The following PRRG4 variants were observed in gnomAD, a reference collection of about 807,000 sequenced individuals.
The protein encoded by PRRG4 is transmembrane gamma-carboxyglutamic acid protein 4.
Under a neutral mutation model 20.0 loss-of-function variants are expected in PRRG4, and 12 were observed. That is an observed-to-expected ratio of 0.60 (90% confidence interval 0.38 to 0.97). PRRG4 has a LOEUF of 0.97. Ranked by LOEUF, PRRG4 falls within the 50% of genes least tolerant of loss-of-function variation. PRRG4 has a pLI of 0.00. For synonymous variants in PRRG4, 94 were observed against 96.4 expected, an observed-to-expected ratio of 0.98 and a Z score of 0.15; for missense variants, 199 against 265.1, an observed-to-expected ratio of 0.75 and a Z score of 1.73.
intron 3 of PRRG4, among the ~76,000 whole-genome samples, chr11:32,838,066 T>G (rs1048313925): frequency 6.6e-6 from 1 of 152,166 alleles, no homozygotes; most frequent in African/African-American, 2.4e-5. Flanking sequence ...TTTTATAATT[T>G]TATCATAGTT....
Position 32,830,189 on chromosome 11 carries a change from G to T in PRRG4, c.-23+16G>T. 1.9e-6 allele frequency: 2 copies of T among 1,056,342 alleles called. No homozygotes were observed. The highest frequency in any genetic ancestry group is 8.9e-5 in the South Asian group (2 of 22,446). 65.4% of individuals were successfully genotyped at this position (1,056,342 alleles called of 1,614,324 possible). On this transcript the variant is annotated intron_variant, in intron 1 of 5. Transcript: ENST00000257836. ...GGGGACACAGGTACGAGGCCTGGCG[G>T]CAGGACCTCGGCGGGGAGGGGGTTA...
intron 5 of PRRG4, among the ~76,000 whole-genome samples, chr11:32,850,575 A>G (rs1240920432): frequency 6.6e-6 from 1 of 152,196 alleles, no homozygotes; most frequent in Non-Finnish European, 1.5e-5. Flanking sequence ...TTGGTTTACT[A>G]GACATTCTCT....
At chr11:32,838,278 G>GA (rs1851042710) in intron 3 of PRRG4, among the ~76,000 whole-genome samples, 1 of 151,992 alleles carries the variant, frequency 6.6e-6, no homozygotes, top group Non-Finnish European at 1.5e-5. Flanking sequence ...GCTTCACGAT[G>GA]AAACTCCATC....
intron 4 of PRRG4, 64 bp downstream of exon 4, chr11:32,838,994 G>A: frequency 8.0e-7 from 1 of 1,255,516 alleles, no homozygotes; most frequent in Non-Finnish European, 1.2e-6. Flanking sequence ...ATACATTTTA[G>A]TTTTATTGTT....
chr11:32,844,756 C>T (rs1347776606), intron 5 of PRRG4, among the ~76,000 whole-genome samples: 1 of 152,062 alleles, frequency 6.6e-6, no homozygotes, highest in African/African-American at 2.4e-5. Flanking sequence ...GTGCCTTGGC[C>T]TCCCAAAGTG....
Position 32,853,703 on chromosome 11 carries a change from C to A in PRRG4, c.*176C>A. 1 of 546,212 alleles carries A rather than the reference C, an allele frequency of 1.8e-6. No individual in the cohort carries two copies. Among genetic ancestry groups the A allele is most frequent in the Non-Finnish European group, 3.3e-6 (1 of 304,778 alleles). The allele number at this position is 546,212 out of a possible 1,614,324, so 33.8% of individuals were successfully genotyped here. ...ATTACCTAGGCGTCATGGGGCATGC[C>A]TGTAGTCCCACCTACTTGGGAGGCT... On this transcript the variant is annotated 3_prime_UTR_variant, in exon 6 of 6. Transcript: ENST00000257836.
Position 32,837,225 on chromosome 11 carries a change from C to T in PRRG4, c.267+404C>T, listed in dbSNP as rs1371122070. Among the ~76,000 whole-genome samples the T allele has an allele frequency of 2.6e-5, 4 of 152,192 alleles. No homozygotes were observed. In the East Asian group the frequency reaches 7.7e-4, roughly 29 times the overall value. The stretch of plus-strand genomic sequence containing the variant: ...ATCATTTATGACTGAGTAATTTGTC[C>T]TATCGGTGACCTTACCTTTTTTGAT... On this transcript the variant is annotated intron_variant, in intron 3 of 5. Coordinates refer to ENST00000257836, the MANE Select transcript of PRRG4 (RefSeq NM_024081.6).
At chr11:32,841,130 CTA>C (rs1851073515) in intron 5 of PRRG4, among the ~76,000 whole-genome samples, 1 of 151,010 alleles carries the variant, frequency 6.6e-6, no homozygotes, top group East Asian at 1.9e-4. Context: ...TTATTTATCA[CTA>C]TTCACACTTT....
chr11:32,836,859 A>G, intron 3 of PRRG4, 38 bp downstream of exon 3: 1 of 1,562,116 alleles, frequency 6.4e-7, no homozygotes. Flanking sequence ...TGGAAATGTT[A>G]AATTGTACTT....
chr11:32,848,182 T>A (rs1425153288), intron 5 of PRRG4, among the ~76,000 whole-genome samples: 2 of 152,122 alleles, frequency 1.3e-5, no homozygotes, highest in East Asian at 3.8e-4. Flanking sequence ...GAACACTGCA[T>A]CCTCTAGAGG....
In PRRG4 at chr11:32,840,369, G is replaced by T; in HGVS notation, c.449+130G>T. 3 of 679,438 alleles carry T rather than the reference G, an allele frequency of 4.4e-6. No individual in the cohort carries two copies. The highest frequency in any genetic ancestry group is 2.6e-5 in the Admixed American group (1 of 37,948). 42.1% of individuals were successfully genotyped at this position (679,438 alleles called of 1,614,324 possible). On this transcript the variant is annotated intron_variant, in intron 5 of 5. Coordinates refer to ENST00000257836, the MANE Select transcript of PRRG4 (RefSeq NM_024081.6). This position sits in a 1 kb window ranked among gnomAD's most constrained non-coding sequence, Gnocchi z 4.1. ...ATTTTGGAAGAATTTTAGATGTATA[G>T]GGAAGTTGCAAAGGTTAATACAGAG...
chr11:32,839,987 A>C, intron 4 of PRRG4, 120 bp from the exon 5 acceptor site: 1 of 586,672 alleles, frequency 1.7e-6, no homozygotes, highest in Non-Finnish European at 2.7e-6. Flanking sequence ...GACTTGAAAG[A>C]AGTCAACATC....
intron 5 of PRRG4, among the ~76,000 whole-genome samples, chr11:32,850,077 A>T (rs1851168094): frequency 6.6e-6 from 1 of 152,214 alleles, no homozygotes; most frequent in African/African-American, 2.4e-5. Context: ...AATAGGCAAA[A>T]TTTGTCTTTA....
chr11:32,835,563 C>T (rs1222331607), intron 2 of PRRG4, among the ~76,000 whole-genome samples: 1 of 152,098 alleles, frequency 6.6e-6, no homozygotes, highest in Non-Finnish European at 1.5e-5. Flanking sequence ...GGTTTTGTGT[C>T]AGCCTGTTCT....
At chr11:32,846,553 T>C (rs116910101) in intron 5 of PRRG4, among the ~76,000 whole-genome samples, 25 of 152,268 alleles carry the variant, frequency 1.6e-4, no homozygotes, top group Admixed American at 4.6e-4. Flanking sequence ...GCTCTTATAG[T>C]CTGGTTTTCT....
intron 5 of PRRG4, among the ~76,000 whole-genome samples, chr11:32,846,766 G>A (rs1019602586): frequency 5.9e-5 from 9 of 152,114 alleles, no homozygotes; most frequent in African/African-American, 1.7e-4. Flanking sequence ...TTAGGAGGCC[G>A]AGGCAGGCGG....
At position 32,855,758 on chromosome 11, in the gene PRRG4, C is replaced by T. The variant is rs1851223582; in HGVS notation, c.*2231C>T. ...CGTTGCATATAAAAATCTTGCTATTCCTTGTGTCTTGGCTTTACATAAGCA... is the reference window on the plus strand; with the variant it reads ...CGTTGCATATAAAAATCTTGCTATTTCTTGTGTCTTGGCTTTACATAAGCA... On this transcript the variant is annotated 3_prime_UTR_variant, in exon 6 of 6. Coordinates refer to ENST00000257836, the MANE Select transcript of PRRG4 (RefSeq NM_024081.6). 1 of 152,186 alleles carries T rather than the reference C, an allele frequency of 6.6e-6. No homozygotes were observed. The allele number at this position is 152,186 out of a possible 1,614,324, so 9.4% of individuals were successfully genotyped here.
chr11:32,836,683 C>T lies in PRRG4; in HGVS notation c.129C>T (p.Asn43=), dbSNP rs1851022361. 6.3e-7 allele frequency: 1 copy of T among 1,595,952 alleles called. No homozygotes were observed. Among genetic ancestry groups the T allele is most frequent in the African/African-American group, 1.3e-5 (1 of 74,294 alleles). Residue 43 remains asparagine (N), a synonymous_variant, in exon 3 of 6, where the codon AAC becomes AAT. Coordinates refer to ENST00000257836, the MANE Select transcript of PRRG4 (RefSeq NM_024081.6). ...EEVFTSKEEA[N]FFIHRRLLYN... is the part of the protein sequence containing the mutation. ...TGTTTACATCAAAAGAAGAAGCAAA[C>T]TTTTTCATACATAGACGCCTTCTGT...
intron 5 of PRRG4, among the ~76,000 whole-genome samples, chr11:32,841,673 G>T (rs189133096): frequency 4.6e-5 from 7 of 152,086 alleles, no homozygotes; most frequent in African/African-American, 9.6e-5. Context: ...AGCTGGGCAC[G>T]GTGGCCTGAG....
Sources: allele counts gnomAD v4.1 joint callset (sites outside exome capture counted in the v4.1 genomes callset), GRCh38; gene constraint gnomAD v4.1.1; non-coding constraint Gnocchi (gnomAD v3.1); transcripts MANE v1.5; gene names NCBI Gene and HGNC (gene_info 2026-07-23, HGNC 2026-07-21).